Variants in UROS observed in about 807,000 individuals in gnomAD.
UROS encodes uroporphyrinogen III synthase.
UROS carries 18 observed loss-of-function variants against 33.0 expected under a neutral mutation model. The observed-to-expected ratio is 0.55, with a 90% confidence interval of 0.38 to 0.81. The LOEUF is 0.81. UROS is among the 30% of genes least tolerant of loss of function. The pLI is 0.00. For missense variants in UROS, 293 were observed against 314.9 expected, an observed-to-expected ratio of 0.93 and a Z score of 0.53; for synonymous variants, 114 against 121.1, an observed-to-expected ratio of 0.94 and a Z score of 0.38.
intron 3 of UROS, 107 bp downstream of exon 3, chr10:125,816,070 A>G (rs1853291807): frequency 8.6e-7 from 1 of 1,158,940 alleles, no homozygotes; most frequent in Non-Finnish European, 1.3e-6. Context: ...GCCATGTTTT[A>G]AAGTTTGGGA....
Position 125,816,433 on chromosome 10 carries a change from T to C in UROS, c.63+4A>G, listed in dbSNP as rs775583574. The C allele has an allele frequency of 1.2e-6, 2 of 1,614,092 alleles. No homozygotes were observed. Among genetic ancestry groups the C allele is most frequent in the Non-Finnish European group, 1.7e-6 (2 of 1,179,946 alleles). Reference sequence around the variant, plus strand: ...TGTGGGATAAGGAGTCTCAGGCCACTTACCCTGATATACGGATCCTGGCCA... The same window carrying C: ...TGTGGGATAAGGAGTCTCAGGCCACCTACCCTGATATACGGATCCTGGCCA... On this transcript the variant is annotated splice_donor_region_variant and intron_variant, in intron 2 of 9. Transcript: ENST00000368797.
At position 125,788,954 on chromosome 10, in the gene UROS, G is replaced by A; in HGVS notation, c.712C>T (p.Pro238Ser). 4 of 1,611,734 alleles carry A rather than the reference G, an allele frequency of 2.5e-6. No homozygotes were observed. Among genetic ancestry groups the A allele is most frequent in the Non-Finnish European group, 3.4e-6 (4 of 1,179,758 alleles). ...TARALAAQGLPVSCTAESPTP... is the reference protein window; with the variant it reads ...TARALAAQGLSVSCTAESPTP... Reference sequence around the variant, plus strand: ...GGGCTCTCTGCAGTGCAGCTTACAGGAAGGCCCTGGGCGGCCAGCGCGCGA... The same window carrying A: ...GGGCTCTCTGCAGTGCAGCTTACAGAAAGGCCCTGGGCGGCCAGCGCGCGA... The change falls in exon 10 of 10, where the codon CCT becomes TCT. Residue 238 changes from proline to serine, a missense_variant. By Grantham distance (74) the Pro-to-Ser change is moderately conservative (BLOSUM62 -1). Transcript: ENST00000368797.
chr10:125,790,915 AC>A (rs1472591376), intron 9 of UROS, among the ~76,000 whole-genome samples: 2 of 151,570 alleles, frequency 1.3e-5, no homozygotes, highest in South Asian at 2.1e-4. Context: ...ACATGGTGAA[AC>A]CCCCATCTCT....
In UROS at chr10:125,789,934, T is replaced by C. The variant is rs1470638295; in HGVS notation, c.661-929A>G. On this transcript the variant is annotated intron_variant, in intron 9 of 9. Transcript: ENST00000368797. Reference sequence around the variant, plus strand: ...TCCTCATCCCCCACTCTCCTCTGCATTGAGACTGTGGACCCCAAACCTGTT... The same window carrying C: ...TCCTCATCCCCCACTCTCCTCTGCACTGAGACTGTGGACCCCAAACCTGTT... 3.3e-5 allele frequency among the ~76,000 whole-genome samples: 5 copies of C among 152,332 alleles called. No homozygotes were observed. In the East Asian group the frequency reaches 5.8e-4, roughly 18 times the overall value.
At chr10:125,816,548 A>C (rs1853342714) in intron 1 of UROS, 23 bp from the exon 2 acceptor site, 1 of 1,612,236 alleles carries the variant, frequency 6.2e-7, no homozygotes, top group Non-Finnish European at 8.5e-7. Context: ...AAGGAAACAG[A>C]TCTTAATTAG....
chr10:125,815,972 G>A (rs1394913326), intron 3 of UROS, among the ~76,000 whole-genome samples: 2 of 152,222 alleles, frequency 1.3e-5, no homozygotes, highest in African/African-American at 4.8e-5. Context: ...CAATCTCTGA[G>A]TCTGGGTGGC....
At chr10:125,814,193 TA>T (rs776871824) in intron 4 of UROS, among the ~76,000 whole-genome samples, 2 of 152,212 alleles carry the variant, frequency 1.3e-5, no homozygotes, top group African/African-American at 2.4e-5. Flanking sequence ...ATAATCCCAT[TA>T]CTATTAGTAG....
At chr10:125,819,432 T>G (rs1231932603) in intron 1 of UROS, among the ~76,000 whole-genome samples, 1 of 152,170 alleles carries the variant, frequency 6.6e-6, no homozygotes, top group Non-Finnish European at 1.5e-5. Context: ...ACATATTTGG[T>G]GCCACGTGAC....
intron 9 of UROS, among the ~76,000 whole-genome samples, chr10:125,790,917 C>T (rs1850882613): frequency 6.6e-6 from 1 of 151,464 alleles, no homozygotes. Flanking sequence ...ATGGTGAAAC[C>T]CCCATCTCTA....
chr10:125,809,231 T>A (rs1431712110), intron 5 of UROS, among the ~76,000 whole-genome samples: 2 of 152,140 alleles, frequency 1.3e-5, no homozygotes, highest in East Asian at 3.9e-4. Flanking sequence ...CTGGTCTGGG[T>A]TTACAAGGCC....
Position 125,812,275 on chromosome 10 carries a change from A to C in UROS, c.258T>G (p.Ser86=). ...QNNKTEVWER[S]LKEKWNAKSV... is the part of the protein sequence containing the mutation. ...ACTTGGCATTCCATTTTTCTTTCAG[A>C]GACCTTTCCCAGACTGTAAAACATG... is the stretch of plus-strand genomic sequence containing the variant. Residue 86 remains serine (S), a synonymous_variant, in exon 5 of 10, where the codon TCT becomes TCG. Coordinates refer to ENST00000368797, the MANE Select transcript of UROS (RefSeq NM_000375.3). 6.2e-7 allele frequency: 1 copy of C among 1,613,842 alleles called. No homozygotes were observed. Among genetic ancestry groups the C allele is most frequent in the Non-Finnish European group, 8.5e-7 (1 of 1,179,940 alleles).
chr10:125,807,164 A>G, intron 6 of UROS: 1 of 525,258 alleles, frequency 1.9e-6, no homozygotes, highest in South Asian at 2.1e-5. Context: ...TATCTCCCAA[A>G]TGTTTTATTT....
chr10:125,802,622 T>A, intron 6 of UROS: 2 of 1,067,204 alleles, frequency 1.9e-6, no homozygotes, highest in Admixed American at 4.9e-5. Context: ...CAGCAAATGG[T>A]GAACACTTTC....
At chr10:125,807,666 G>T (rs1220966004) in intron 5 of UROS, among the ~76,000 whole-genome samples, 179 bp from the exon 6 acceptor site, 1 of 152,204 alleles carries the variant, frequency 6.6e-6, no homozygotes, top group Non-Finnish European at 1.5e-5. Flanking sequence ...AAAGCATCAG[G>T]TCCTGGTACC....
chr10:125,787,556 C>T (rs959719090), downstream of UROS, among the ~76,000 whole-genome samples: 2 of 152,258 alleles, frequency 1.3e-5, no homozygotes, highest in South Asian at 4.1e-4. Flanking sequence ...ATTCAGGGGA[C>T]TCTCTGGGGG....
chr10:125,805,660 C>A (rs1589971034), intron 6 of UROS, among the ~76,000 whole-genome samples: 1 of 152,180 alleles, frequency 6.6e-6, no homozygotes, highest in Admixed American at 6.5e-5. Flanking sequence ...AATTAATTTA[C>A]ATTTACATTT....
chr10:125,795,485 C>A (rs1309958090), intron 8 of UROS, among the ~76,000 whole-genome samples: 3 of 152,330 alleles, frequency 2.0e-5, no homozygotes, highest in Non-Finnish European at 2.9e-5. Context: ...TGTTTTACTG[C>A]ATATAAATGC....
Position 125,816,172 on chromosome 10 carries a change from C to T in UROS, c.147+5G>A. 1 of 1,613,924 alleles carries T rather than the reference C, an allele frequency of 6.2e-7. No homozygotes were observed. The highest frequency in any genetic ancestry group is 8.5e-7 in the Non-Finnish European group (1 of 1,179,800). ...AACATGGTGCTCAGTCACAACAGGC[C>T]TTACCTTCTCAGAGAAACTGGGAAG... is the stretch of plus-strand genomic sequence containing the variant. On this transcript the variant is annotated splice_donor_5th_base_variant and intron_variant, in intron 3 of 9. Transcript: ENST00000368797.
chr10:125,822,816 A>G lies in UROS; in HGVS notation c.-27+213T>C, dbSNP rs114023266. Among the ~76,000 whole-genome samples, 1,147 of 152,202 alleles carry G rather than the reference A, an allele frequency of 7.5e-3. 7 individuals carry two copies. The highest frequency in any genetic ancestry group is 0.048 in the Middle Eastern group (14 of 294). On this transcript the variant is annotated intron_variant, in intron 1 of 9. Transcript: ENST00000368797. ...TTTAAAAAAACTTTTAGGTCAAGAA[A>G]TGCGCTCCAGAAGCTCGGCGAGGGT...
Sources: allele counts gnomAD v4.1 joint callset (sites outside exome capture counted in the v4.1 genomes callset), GRCh38; gene constraint gnomAD v4.1.1; transcripts MANE v1.5; gene names NCBI Gene and HGNC (gene_info 2026-07-23, HGNC 2026-07-21).